The following XRCC6 variants were observed in gnomAD, a reference collection of about 807,000 sequenced individuals.
XRCC6 encodes X-ray repair cross complementing 6.
XRCC6 carries 5 observed loss-of-function variants against 65.7 expected under a neutral mutation model. The observed-to-expected ratio is 0.08, with a 90% confidence interval of 0.04 to 0.16. The LOEUF is 0.16. Among genes scored for constraint, XRCC6 ranks in the 10% least tolerant of loss-of-function variants. The pLI, the probability that XRCC6 is intolerant of heterozygous loss-of-function variation, is 1.00. For synonymous variants in XRCC6, 270 were observed against 270.6 expected (o/e 1.00, Z 0.02); for missense variants, 447 against 738.1 (o/e 0.61, Z 4.57).
At position 41,656,982 on chromosome 22, in the gene XRCC6, G is replaced by A. The variant is rs766447951; in HGVS notation, c.1371G>A (p.Glu457=). The change falls in exon 10 of 13, where the codon GAG becomes GAA. Residue 457 remains glutamate, a synonymous_variant. Transcript: ENST00000360079. ...CTGAAAAAATCATGGCAACTCCAGAGCAGGTGGGCAAGATGAAGGCTATCG... is the reference window on the plus strand; with the variant it reads ...CTGAAAAAATCATGGCAACTCCAGAACAGGTGGGCAAGATGAAGGCTATCG... The part of the protein sequence containing the change: ...PFTEKIMATP[E]QVGKMKAIVE... 4.4e-6 allele frequency: 7 copies of A among 1,608,098 alleles called. No individual in the cohort carries two copies. In the South Asian group the frequency reaches 7.8e-5, roughly 18 times the overall value.
intron 8 of XRCC6, among the ~76,000 whole-genome samples, chr22:41,652,081 G>T (rs2068005274): frequency 6.6e-6 from 1 of 152,204 alleles, no homozygotes; most frequent in African/African-American, 2.4e-5. Flanking sequence ...ACCACGTCCA[G>T]CCTGGAATTT....
chr22:41,636,760 C>T lies in XRCC6; in HGVS notation c.579C>T (p.Leu193=). The T allele has an allele frequency of 1.2e-6, 2 of 1,614,080 alleles. No individual in the cohort carries two copies. Among genetic ancestry groups the T allele is most frequent in the Non-Finnish European group, 1.7e-6 (2 of 1,180,018 alleles). The part of the protein sequence containing the change: ...ASRARTKAGD[L]RDTGIFLDLM... Reference sequence around the variant, plus strand: ...GGGCCAGGACCAAAGCCGGTGATCTCCGAGATACAGGTGGGCATATTTCCC... The same window carrying T: ...GGGCCAGGACCAAAGCCGGTGATCTTCGAGATACAGGTGGGCATATTTCCC... The change falls in exon 5 of 13, where the codon CTC becomes CTT. Residue 193 remains leucine (L), a synonymous_variant. Transcript: ENST00000360079.
At chr22:41,622,164 T>C (rs1281478036) in intron 2 of XRCC6, 78 bp downstream of exon 2, 25 of 1,447,042 alleles carry the variant, frequency 1.7e-5, no homozygotes, top group Non-Finnish European at 2.1e-5. Context: ...GGATGGACTT[T>C]GCTGTTTGAT....
At chr22:41,660,137 C>T (rs2068086151) in intron 11 of XRCC6, among the ~76,000 whole-genome samples, 1 of 152,210 alleles carries the variant, frequency 6.6e-6, no homozygotes, top group African/African-American at 2.4e-5. Context: ...AGCAAGAGCT[C>T]CCCTCCATGC....
intron 6 of XRCC6, among the ~76,000 whole-genome samples, chr22:41,644,956 G>A (rs971155038): frequency 2.6e-5 from 4 of 152,032 alleles, no homozygotes; most frequent in African/African-American, 9.7e-5. Context: ...ACTTCTCTGA[G>A]CCCTCACTTA....
chr22:41,650,934 G>C (rs1312192014), intron 8 of XRCC6, 43 bp downstream of exon 8: 2 of 1,608,976 alleles, frequency 1.2e-6, no homozygotes, highest in Admixed American at 3.3e-5. Flanking sequence ...AACACACAGT[G>C]CAGTTTACGG....
At chr22:41,637,534 G>C in intron 5 of XRCC6, 74 bp from the exon 6 acceptor site, 7 of 1,352,562 alleles carry the variant, frequency 5.2e-6, no homozygotes, top group Non-Finnish European at 6.9e-6. Flanking sequence ...GCATGTTTCA[G>C]TTTTAACTGA....
chr22:41,656,969 T>C lies in XRCC6; in HGVS notation c.1358T>C (p.Met453Thr), dbSNP rs2068050817. Residue 453 changes from methionine to threonine, a missense_variant, in exon 10 of 13, where the codon ATG (methionine) becomes ACG (threonine). Around this residue, in one of 4 missense-constraint regions of XRCC6, gnomAD observed 201 missense variants for 374.1 expected, o/e 0.54. Coordinates refer to ENST00000360079, the MANE Select transcript of XRCC6 (RefSeq NM_001469.5). ...KRKMPFTEKI[M>T]ATPEQVGKMK... ...AAGATGCCCTTTACTGAAAAAATCA[T>C]GGCAACTCCAGAGCAGGTGGGCAAG... The C allele has an allele frequency of 2.5e-6, 4 of 1,612,322 alleles. No homozygotes were observed. The East Asian group carries it at 8.9e-5, about 36-fold the overall frequency.
chr22:41,658,478 CTGTT>C, intron 11 of XRCC6, 126 bp downstream of exon 11: 3 of 879,254 alleles, frequency 3.4e-6, no homozygotes, highest in Non-Finnish European at 5.4e-6. Flanking sequence ...CAGACCCCCT[CTGTT>C]TGGAAGCTTT....
In XRCC6 at chr22:41,658,236, A is replaced by C; in HGVS notation, c.1422-16A>C. 1.3e-6 allele frequency: 2 copies of C among 1,568,220 alleles called. No homozygotes were observed. Among genetic ancestry groups the C allele is most frequent in the Non-Finnish European group, 1.7e-6 (2 of 1,142,986 alleles). Reference sequence around the variant, plus strand: ...AATTGTCATGTTTCAGTTGAGTTACATTATTGTTTTAACAGAAGTGACAGC... The same window carrying C: ...AATTGTCATGTTTCAGTTGAGTTACCTTATTGTTTTAACAGAAGTGACAGC... On this transcript the variant is annotated splice_polypyrimidine_tract_variant and intron_variant, in intron 10 of 12. Transcript: ENST00000360079.
intron 7 of XRCC6, 127 bp downstream of exon 7, chr22:41,647,209 C>A: frequency 1.1e-6 from 1 of 874,050 alleles, no homozygotes; most frequent in Non-Finnish European, 1.7e-6. Flanking sequence ...AGCGATCCTT[C>A]TGTCTCAGCC....
chr22:41,641,397 C>G (rs184697735), intron 6 of XRCC6, among the ~76,000 whole-genome samples: 2 of 152,088 alleles, frequency 1.3e-5, no homozygotes, highest in African/African-American at 4.8e-5. Context: ...GCATGCAATG[C>G]GTAATAATTA....
intron 2 of XRCC6, among the ~76,000 whole-genome samples, chr22:41,626,721 TC>T (rs893311802): frequency 2.0e-5 from 3 of 149,370 alleles, no homozygotes; most frequent in Non-Finnish European, 4.5e-5. Flanking sequence ...CACTGGAAGC[TC>T]CCCCTCCCGG....
chr22:41,639,337 T>TC (rs2067848392), intron 6 of XRCC6, among the ~76,000 whole-genome samples: 1 of 116,366 alleles, frequency 8.6e-6, no homozygotes, highest in Admixed American at 8.6e-5. Flanking sequence ...TTCTTTTTTT[T>TC]TTTTTTTTTT....
chr22:41,632,995 C>T (rs993846101), intron 3 of XRCC6, among the ~76,000 whole-genome samples: 2 of 151,578 alleles, frequency 1.3e-5, no homozygotes, highest in East Asian at 1.9e-4. Context: ...GGTGTGGTGG[C>T]GTGCGCCTGT....
intron 12 of XRCC6, 62 bp downstream of exon 12, chr22:41,661,506 C>G: frequency 7.4e-7 from 1 of 1,355,028 alleles, no homozygotes; most frequent in Non-Finnish European, 1.0e-6. Flanking sequence ...ATAGTCTTAT[C>G]ACAGTGGGCA....
chr22:41,633,434 G>T (rs1269193333), intron 3 of XRCC6, among the ~76,000 whole-genome samples: 15 of 149,176 alleles, frequency 1.0e-4, no homozygotes, highest in African/African-American at 3.2e-4. Flanking sequence ...TCGCTTTGCT[G>T]CCCTGGCTCT....
At chr22:41,629,869 C>G (rs2067720365) in intron 3 of XRCC6, among the ~76,000 whole-genome samples, 1 of 151,852 alleles carries the variant, frequency 6.6e-6, no homozygotes, top group African/African-American at 2.4e-5. Flanking sequence ...CGGGGTTTCA[C>G]CGTGTTAGCC....
chr22:41,628,965 C>CAAAA (rs11413169), intron 3 of XRCC6, among the ~76,000 whole-genome samples: 40 of 62,682 alleles, frequency 6.4e-4, no homozygotes, highest in Middle Eastern at 0.022. Flanking sequence ...GACTCTGTCT[C>CAAAA]AAAAAAAAAA....
Sources: gnomAD v4.1 joint callset for allele counts (sites outside exome capture counted in the v4.1 genomes callset) on GRCh38, gnomAD v4.1.1 for gene constraint, gnomAD v4.1.1 regional missense constraint, MANE v1.5 for transcripts, NCBI Gene and HGNC (gene_info 2026-07-23, HGNC 2026-07-21) for gene names.